Variants in RAC1 observed in about 807,000 individuals in gnomAD.
RAC1 encodes Rac family small GTPase 1.
In RAC1, 2 loss-of-function variants were observed where a neutral mutation model predicts 25.2. The ratio of observed to expected loss-of-function variants is 0.08; its 90% CI spans 0.03 to 0.25. The LOEUF (loss-of-function observed/expected upper bound fraction) is 0.25. Ranked by LOEUF, RAC1 falls within the 10% of genes least tolerant of loss-of-function variation. RAC1 has a pLI of 1.00. For missense variants in RAC1, 50 were observed against 235.7 expected (o/e 0.21, Z 5.16); for synonymous variants, 88 against 94.0 (o/e 0.94, Z 0.37).
In RAC1 at chr7:6,402,038, C is replaced by T; in HGVS notation, c.448+11C>T. 1 of 1,611,052 alleles carries T rather than the reference C, an allele frequency of 6.2e-7. No individual in the cohort carries two copies. ...TGGCTAAGGAGATTGGTATGGAATCCTGTGTTTTTCCTCCTCCTTGTACCT... is the reference window on the plus strand; with the variant it reads ...TGGCTAAGGAGATTGGTATGGAATCTTGTGTTTTTCCTCCTCCTTGTACCT... On this transcript the variant is annotated intron_variant, in intron 5 of 5. Transcript: ENST00000348035.
intron 2 of RAC1, chr7:6,391,475 C>G (rs1783091225): frequency 1.2e-5 from 2 of 162,606 alleles, no homozygotes; most frequent in Non-Finnish European, 2.7e-5. Flanking sequence ...TTTTGTGTGA[C>G]TGCTCTACAC....
intron 3 of RAC1, among the ~76,000 whole-genome samples, chr7:6,399,301 T>G (rs1237708776): frequency 6.6e-6 from 1 of 152,352 alleles, no homozygotes; most frequent in East Asian, 1.9e-4. Context: ...AAAGTGTAGC[T>G]TGGGAATTGT....
chr7:6,400,296 T>C, intron 4 of RAC1, 108 bp downstream of exon 4: 1 of 1,169,064 alleles, frequency 8.6e-7, no homozygotes, highest in Non-Finnish European at 1.2e-6. Flanking sequence ...TAAATTGGTT[T>C]TAGCAATTTG....
At chr7:6,389,753 C>T (rs963030728) in intron 2 of RAC1, among the ~76,000 whole-genome samples, 3 of 152,116 alleles carry the variant, frequency 2.0e-5, no homozygotes, top group East Asian at 3.9e-4. Context: ...TCTTGAAGAC[C>T]TGGCCTCAGG....
intron 3 of RAC1, among the ~76,000 whole-genome samples, chr7:6,396,985 C>G (rs1220074133): frequency 4.8e-5 from 7 of 147,346 alleles, no homozygotes; most frequent in African/African-American, 1.8e-4. Flanking sequence ...GAGCCAAGAT[C>G]GTGCCACTGC....
At position 6,398,538 on chromosome 7, in the gene RAC1, T is replaced by TTAG. The variant is rs1432978478; in HGVS notation, c.226-1588_226-1587insTAG. ...ATCGAAGATATGTTAGAATCTATTG[T>TTAG]ATGCTTTTGGATCTCTCCGGAGGGT... On this transcript the variant is annotated intron_variant, in intron 3 of 5. Transcript: ENST00000348035. 186 of 742,754 alleles carry TTAG rather than the reference T, an allele frequency of 2.5e-4. 2 individuals carry two copies. The highest frequency in any genetic ancestry group is 6.3e-5 in the Non-Finnish European group (28 of 441,530). 46.0% of individuals were successfully genotyped at this position (742,754 alleles called of 1,614,324 possible).
At chr7:6,387,412 C>T in intron 2 of RAC1, 129 bp downstream of exon 2, 1 of 686,404 alleles carries the variant, frequency 1.5e-6, no homozygotes, top group Non-Finnish European at 2.5e-6. Flanking sequence ...TAAACATTCA[C>T]TGAAACCTAA....
At chr7:6,401,020 A>G (rs1233929711) in intron 4 of RAC1, among the ~76,000 whole-genome samples, 57 of 151,886 alleles carry the variant, frequency 3.8e-4, no homozygotes, top group Non-Finnish European at 7.4e-5. Flanking sequence ...GCAGTGGCAC[A>G]ATCTTGGGTC....
At chr7:6,376,382 C>G (rs1030690116) in intron 1 of RAC1, among the ~76,000 whole-genome samples, 2 of 151,722 alleles carry the variant, frequency 1.3e-5, no homozygotes, top group Non-Finnish European at 2.9e-5. Context: ...CGGGGTTTCA[C>G]CATGTTGGCC....
intron 1 of RAC1, among the ~76,000 whole-genome samples, chr7:6,378,032 C>A (rs1356264732): frequency 1.3e-5 from 2 of 152,142 alleles, no homozygotes; most frequent in African/African-American, 4.8e-5. Context: ...TCTGCTTACA[C>A]TGGGCTCTTA....
At chr7:6,392,680 C>G (rs28465670) in intron 3 of RAC1, among the ~76,000 whole-genome samples, 5,847 of 152,156 alleles carry the variant, frequency 0.038, 389 homozygotes, top group African/African-American at 0.13. Context: ...ACATTGTTGT[C>G]ATTAAAAGTT....
At chr7:6,393,062 A>G (rs766666676) in intron 3 of RAC1, among the ~76,000 whole-genome samples, 1 of 152,168 alleles carries the variant, frequency 6.6e-6, no homozygotes, top group African/African-American at 2.4e-5. Flanking sequence ...GGTGCTCAGC[A>G]CACCTGGGTT....
rs371819578 is a variant in RAC1, at chr7:6,387,681, C to A, written c.107+398C>A. On this transcript the variant is annotated intron_variant, in intron 2 of 5. Coordinates refer to ENST00000348035, the MANE Select transcript of RAC1 (RefSeq NM_006908.5). ...CGGAGGTTGCAGTGAGCCAAGATCA[C>A]GCCACTGCACTCCAGCCTGGGCAAT... Among the ~76,000 whole-genome samples the A allele has an allele frequency of 2.0e-5, 3 of 151,718 alleles. No individual in the cohort carries two copies. In the East Asian group the frequency reaches 5.8e-4, roughly 29 times the overall value.
intron 5 of RAC1, 60 bp from the exon 6 acceptor site, chr7:6,402,256 G>T: frequency 6.5e-7 from 1 of 1,541,170 alleles, no homozygotes; most frequent in South Asian, 1.3e-5. Context: ...TCCCGCTGGT[G>T]GTGTGATCAG....
chr7:6,378,900 C>T (rs1007416306), intron 1 of RAC1, among the ~76,000 whole-genome samples: 15 of 151,990 alleles, frequency 9.9e-5, no homozygotes, highest in African/African-American at 3.4e-4. Context: ...CCAGTCTGGC[C>T]AATATGGTGA....
Position 6,376,478 on chromosome 7 carries a change from CCG to C in RAC1, c.35+1709_35+1710del, listed in dbSNP as rs1782599023. Among the ~76,000 whole-genome samples, 3 of 148,948 alleles carry C rather than the reference CCG, an allele frequency of 2.0e-5. No homozygotes were observed. In the South Asian group the frequency reaches 6.4e-4, roughly 32 times the overall value. On this transcript the variant is annotated intron_variant, in intron 1 of 5. Coordinates refer to ENST00000348035, the MANE Select transcript of RAC1 (RefSeq NM_006908.5). ...GGATTACAGGCGTAAGCCACGGCGCCCGGCCCAATTTTTTTTTTTTTTCTTTT... is the reference window on the plus strand; with the variant it reads ...GGATTACAGGCGTAAGCCACGGCGCCGCCCAATTTTTTTTTTTTTTCTTTT...
intron 3 of RAC1, among the ~76,000 whole-genome samples, chr7:6,398,491 G>C (rs182365464): frequency 6.6e-6 from 1 of 152,360 alleles, no homozygotes; most frequent in East Asian, 1.9e-4. Context: ...AGGTAGCGTG[G>C]AGTGTTTCAG....
intron 1 of RAC1, among the ~76,000 whole-genome samples, chr7:6,379,606 C>T (rs1324395866): frequency 2.6e-5 from 4 of 152,172 alleles, no homozygotes; most frequent in Non-Finnish European, 5.9e-5. Context: ...GACAGGGTTT[C>T]ACCATGTTGA....
chr7:6,384,658 A>G (rs11514804), intron 1 of RAC1, among the ~76,000 whole-genome samples: 27,178 of 151,946 alleles, frequency 0.18, 2,876 homozygotes, highest in Non-Finnish European at 0.24. Flanking sequence ...TTTTGTGGAA[A>G]CAAGGTCTCC....
Sources: allele counts gnomAD v4.1 joint callset (sites outside exome capture counted in the v4.1 genomes callset), GRCh38; gene constraint gnomAD v4.1.1; transcripts MANE v1.5; gene names NCBI Gene and HGNC (gene_info 2026-07-23, HGNC 2026-07-21).